Variants in MYO3B observed in about 807,000 individuals in gnomAD.
The protein encoded by MYO3B is myosin-IIIb.
In MYO3B, 156 loss-of-function variants were observed where a neutral mutation model predicts 174.6. The observed-to-expected ratio is 0.89, with a 90% CI of 0.78 to 1.02. The LOEUF is 1.02. Ranked by LOEUF, MYO3B falls within the 50% of genes least tolerant of loss-of-function variation. The pLI is 0.00. For missense variants in MYO3B, 1,632 were observed against 1,639.4 expected (o/e 1.00, Z 0.08); for synonymous variants, 563 against 569.1 (o/e 0.99, Z 0.15).
rs375358097 is a variant in MYO3B, at chr2:170,244,275, A to C, written c.749+8139A>C. On this transcript the variant is annotated intron_variant, in intron 7 of 34. Coordinates refer to ENST00000408978, the MANE Select transcript of MYO3B (RefSeq NM_138995.5). Reference sequence around the variant, plus strand: ...CTGCAGATAAAGGGACAATAGCAAGAGTTCTAAACTTAGGGTCATTGATTC... The same window carrying C: ...CTGCAGATAAAGGGACAATAGCAAGCGTTCTAAACTTAGGGTCATTGATTC... Among the ~76,000 whole-genome samples, 140 of 152,302 alleles carry C rather than the reference A, an allele frequency of 9.2e-4. No individual in the cohort carries two copies. In the South Asian group the frequency reaches 0.019, roughly 21 times the overall value.
chr2:170,367,301 G>A (rs1439405387), intron 8 of MYO3B, among the ~76,000 whole-genome samples: 1 of 152,212 alleles, frequency 6.6e-6, no homozygotes, highest in African/African-American at 2.4e-5. Context: ...ATTATGTGAG[G>A]AAACAAGAAA....
chr2:170,537,058 G>C (rs952255415), intron 30 of MYO3B, among the ~76,000 whole-genome samples: 1 of 151,934 alleles, frequency 6.6e-6, no homozygotes, highest in Non-Finnish European at 1.5e-5. Flanking sequence ...AAAATTAGCC[G>C]GGCGTGGTGG....
At chr2:170,293,986 T>TTC (rs1553585899) in intron 7 of MYO3B, among the ~76,000 whole-genome samples, 2 of 151,750 alleles carry the variant, frequency 1.3e-5, no homozygotes, top group African/African-American at 2.4e-5. Flanking sequence ...TTCTTTTTTT[T>TTC]CCCTGTTCAC....
intron 30 of MYO3B, among the ~76,000 whole-genome samples, chr2:170,528,655 C>T (rs1689150497): frequency 6.6e-6 from 1 of 152,202 alleles, no homozygotes; most frequent in Non-Finnish European, 1.5e-5. Flanking sequence ...ATCCACCTGC[C>T]TCAGCTTCCC....
rs375071439 is a variant in MYO3B, at chr2:170,407,718, T to C, written c.2524T>C (p.Leu842=). The C allele has an allele frequency of 1.1e-5, 18 of 1,613,774 alleles. No individual in the cohort carries two copies. Among genetic ancestry groups the C allele is most frequent in the Non-Finnish European group, 1.4e-5 (17 of 1,179,856 alleles). ...CCGTTTGCTATTCATGTTACAGGTA[T>C]TATATGATGCTTCTGGGGTTCTTGA... ...FGIQHYAGKV[L]YDASGVLEKN... Residue 842 remains leucine (L), a synonymous_variant, in exon 22 of 35, where the codon TTA becomes CTA. Coordinates refer to ENST00000408978, the MANE Select transcript of MYO3B (RefSeq NM_138995.5).
At chr2:170,590,610 T>G (rs1470444793) in intron 32 of MYO3B, among the ~76,000 whole-genome samples, 1 of 149,862 alleles carries the variant, frequency 6.7e-6, no homozygotes, top group Non-Finnish European at 1.5e-5. Flanking sequence ...TTTTTTTTTT[T>G]GCCTCAAAAC....
rs141204896 is a variant in MYO3B, at chr2:170,278,674, C to T, written c.749+42538C>T. Among the ~76,000 whole-genome samples, 501 of 152,090 alleles carry T rather than the reference C, an allele frequency of 3.3e-3. 1 individual carries two copies. Among genetic ancestry groups the T allele is most frequent in the African/African-American group, 0.011 (471 of 41,508 alleles). On this transcript the variant is annotated intron_variant, in intron 7 of 34. Transcript: ENST00000408978. ...AATAAATTGTCACTAAATTTAGTAA[C>T]CCTACTCCACTACCAAACATCAGAA...
intron 22 of MYO3B, among the ~76,000 whole-genome samples, chr2:170,430,957 G>A (rs1168152107): frequency 1.3e-5 from 2 of 152,104 alleles, no homozygotes; most frequent in Non-Finnish European, 2.9e-5. Context: ...AAAGGGATGT[G>A]GGGAATTTGA....
intron 32 of MYO3B, among the ~76,000 whole-genome samples, chr2:170,549,617 T>C (rs949803791): frequency 1.3e-5 from 2 of 152,214 alleles, no homozygotes; most frequent in African/African-American, 4.8e-5. Flanking sequence ...TCAGGCTGTA[T>C]TTTATTCTTG....
intron 25 of MYO3B, among the ~76,000 whole-genome samples, chr2:170,492,526 C>T (rs1039902847): frequency 3.3e-5 from 5 of 152,164 alleles, no homozygotes; most frequent in Non-Finnish European, 7.4e-5. Context: ...ACGAAAGTAA[C>T]CTAAGAAATA....
At chr2:170,224,845 C>T (rs896296668) in intron 6 of MYO3B, among the ~76,000 whole-genome samples, 1 of 152,176 alleles carries the variant, frequency 6.6e-6, no homozygotes, top group Non-Finnish European at 1.5e-5. Context: ...GGCAAAGGGT[C>T]GTTGACAAGG....
chr2:170,488,058 C>T (rs1686182667), intron 25 of MYO3B, among the ~76,000 whole-genome samples: 1 of 152,182 alleles, frequency 6.6e-6, no homozygotes, highest in African/African-American at 2.4e-5. Context: ...CACAATTCAA[C>T]ACCATGTTAT....
chr2:170,501,572 G>A (rs1009389322), intron 27 of MYO3B, among the ~76,000 whole-genome samples: 3 of 152,130 alleles, frequency 2.0e-5, no homozygotes, highest in African/African-American at 4.8e-5. Flanking sequence ...CTGAACAAAA[G>A]CAACCCCTCA....
chr2:170,471,856 T>A (rs13425187), intron 25 of MYO3B, among the ~76,000 whole-genome samples: 1 of 152,194 alleles, frequency 6.6e-6, no homozygotes, highest in Non-Finnish European at 1.5e-5. Context: ...CTGGGCATGG[T>A]GGCACATGCC....
At chr2:170,389,178 T>C (rs905175048) in intron 14 of MYO3B, among the ~76,000 whole-genome samples, 2 of 152,186 alleles carry the variant, frequency 1.3e-5, no homozygotes, top group Non-Finnish European at 2.9e-5. Context: ...CACAAGGCTG[T>C]TATGAGAATT....
intron 28 of MYO3B, among the ~76,000 whole-genome samples, chr2:170,508,987 A>G (rs1278034031): frequency 6.6e-6 from 1 of 150,514 alleles, no homozygotes. Flanking sequence ...CCCTCTCTGT[A>G]CTCCCTTCCT....
chr2:170,300,055 T>G (rs2093655743), intron 7 of MYO3B, among the ~76,000 whole-genome samples: 1 of 152,184 alleles, frequency 6.6e-6, no homozygotes, highest in African/African-American at 2.4e-5. Context: ...ATGTCTTGCT[T>G]TGTTTGATCC....
At chr2:170,646,843 G>T in intron 32 of MYO3B, 3 of 926,066 alleles carry the variant, frequency 3.2e-6, no homozygotes, top group South Asian at 2.6e-5. Flanking sequence ...GAAGCTGTTC[G>T]TCAGGATAGT....
intron 7 of MYO3B, among the ~76,000 whole-genome samples, chr2:170,317,327 G>A (rs1179563101): frequency 6.6e-6 from 1 of 152,136 alleles, no homozygotes. Flanking sequence ...TTCTAGTTAT[G>A]TCACAGTTGC....
Sources: allele counts gnomAD v4.1 joint callset (sites outside exome capture counted in the v4.1 genomes callset), GRCh38; gene constraint gnomAD v4.1.1; transcripts MANE v1.5; gene names NCBI Gene and HGNC (gene_info 2026-07-23, HGNC 2026-07-21).